The following TNIK variants were observed in gnomAD, a reference collection of about 807,000 sequenced individuals.
TNIK encodes the protein TRAF2 and NCK-interacting protein kinase.
Under a neutral mutation model 191.3 loss-of-function variants are expected in TNIK, and 49 were observed. That is an observed-to-expected ratio of 0.26 (90% CI 0.20 to 0.32). The LOEUF is 0.32. TNIK is among the 10% of genes least tolerant of loss of function. The pLI is 1.00. For missense variants in TNIK, 1,155 were observed against 1,702.3 expected (o/e 0.68, Z 5.66); for synonymous variants, 594 against 600.9 (o/e 0.99, Z 0.17).
intron 1 of TNIK, among the ~76,000 whole-genome samples, chr3:171,455,577 A>G (rs1054552613): frequency 2.6e-5 from 4 of 152,300 alleles, no homozygotes; most frequent in Non-Finnish European, 5.9e-5. Context: ...ATTGCAATCA[A>G]ATGTTGATGG....
chr3:171,058,943 C>A lies in TNIK; in HGVS notation c.*4938G>T, dbSNP rs1251044981. Among the ~76,000 whole-genome samples the A allele has an allele frequency of 6.6e-6, 1 of 152,100 alleles. No individual in the cohort carries two copies. The highest frequency in any genetic ancestry group is 1.5e-5 in the Non-Finnish European group (1 of 68,004). On this transcript the variant is annotated 3_prime_UTR_variant, in exon 33 of 33. Transcript: ENST00000436636. Reference sequence around the variant, plus strand: ...AATGTCCAAGGTTTCTTAAACATACCATAATAAGTATTACTATTCCTTAAC... The same window carrying A: ...AATGTCCAAGGTTTCTTAAACATACAATAATAAGTATTACTATTCCTTAAC...
chr3:171,282,239 C>G (rs1043272033), intron 2 of TNIK, among the ~76,000 whole-genome samples: 1 of 151,614 alleles, frequency 6.6e-6, no homozygotes, highest in Non-Finnish European at 1.5e-5. Flanking sequence ...AGAGCCAGCA[C>G]AGAGTATTTA....
chr3:171,118,236 G>A (rs887937518), intron 18 of TNIK, among the ~76,000 whole-genome samples: 65 of 152,166 alleles, frequency 4.3e-4, no homozygotes, highest in African/African-American at 1.3e-3. Flanking sequence ...TACAAGGGAC[G>A]TGAAGGACCT....
At chr3:171,430,309 C>A (rs570588493) in intron 1 of TNIK, among the ~76,000 whole-genome samples, 4 of 152,076 alleles carry the variant, frequency 2.6e-5, no homozygotes, top group African/African-American at 9.7e-5. Flanking sequence ...AATGCCTTTA[C>A]GCTAAACAAT....
chr3:171,268,576 G>A (rs1408761839), intron 2 of TNIK, among the ~76,000 whole-genome samples: 1 of 152,096 alleles, frequency 6.6e-6, no homozygotes, highest in Admixed American at 6.6e-5. Flanking sequence ...TTTAACTGAT[G>A]TCCAGCTCTG....
chr3:171,414,617 C>T (rs1405688480), intron 1 of TNIK, among the ~76,000 whole-genome samples: 2 of 152,194 alleles, frequency 1.3e-5, no homozygotes, highest in East Asian at 1.9e-4. Flanking sequence ...CAAGAGCTTT[C>T]CCACAGGCCA....
chr3:171,128,813 C>A lies in TNIK; in HGVS notation c.1674G>T (p.Arg558Ser). Residue 558 changes from arginine (R) to serine (S), a missense_variant, in exon 16 of 33, where the codon AGG (arginine) becomes AGT (serine). Arg to Ser is a moderately radical substitution (Grantham distance 110). This residue lies in a region of TNIK where 735 missense variants were observed against 848.0 expected (regional missense o/e 0.87). Coordinates refer to ENST00000436636, the MANE Select transcript of TNIK (RefSeq NM_015028.4). Reference sequence around the variant, plus strand: ...TTGGGGGCAGGTTGGGGTCAGATATCCTGTTGGCAACCTTGTGAGGCATGG... The same window carrying A: ...TTGGGGGCAGGTTGGGGTCAGATATACTGTTGGCAACCTTGTGAGGCATGG... ...SPAMPHKVAN[R>S]ISDPNLPPRS... The A allele has an allele frequency of 6.2e-7, 1 of 1,602,374 alleles. No individual in the cohort carries two copies. The highest frequency in any genetic ancestry group is 1.1e-5 in the South Asian group (1 of 89,338).
At chr3:171,222,355 G>C (rs1336246414) in intron 3 of TNIK, among the ~76,000 whole-genome samples, 1 of 152,082 alleles carries the variant, frequency 6.6e-6, no homozygotes, top group African/African-American at 2.4e-5. Flanking sequence ...TATACCAGCA[G>C]TATTCTCCTA....
chr3:171,067,869 C>T lies in TNIK; in HGVS notation c.3699+979G>A, dbSNP rs553085102. The stretch of plus-strand genomic sequence containing the variant: ...CTCACCAGGAATGTGAGCTGTGAGT[C>T]CTTGTGTTCACCCACATCCACATGA... On this transcript the variant is annotated intron_variant, in intron 30 of 32. Transcript: ENST00000436636. 2.6e-5 allele frequency among the ~76,000 whole-genome samples: 4 copies of T among 152,160 alleles called. No homozygotes were observed. The South Asian group carries it at 6.2e-4, about 24-fold the overall frequency.
intron 4 of TNIK, among the ~76,000 whole-genome samples, chr3:171,207,019 T>A (rs916105633): frequency 2.0e-5 from 3 of 151,136 alleles, no homozygotes; most frequent in Non-Finnish European, 4.4e-5. Context: ...TAAATCTACA[T>A]TAATGCTTTT....
chr3:171,286,139 C>T (rs1302174627), intron 2 of TNIK, among the ~76,000 whole-genome samples: 5 of 152,154 alleles, frequency 3.3e-5, no homozygotes, highest in African/African-American at 1.2e-4. Flanking sequence ...TGAAGGAGAA[C>T]ATCTGAATTA....
At chr3:171,128,650 T>C in intron 16 of TNIK, 64 bp downstream of exon 16, 2 of 1,528,270 alleles carry the variant, frequency 1.3e-6, no homozygotes, top group Non-Finnish European at 1.8e-6. Context: ...TTCCCTAGGC[T>C]TTTAATAATA....
At chr3:171,405,073 G>T (rs1327718530) in intron 1 of TNIK, among the ~76,000 whole-genome samples, 1 of 152,122 alleles carries the variant, frequency 6.6e-6, no homozygotes, top group Non-Finnish European at 1.5e-5. Context: ...GTTCTTCTAG[G>T]TAGATACAAT....
At chr3:171,275,419 T>G (rs1749609409) in intron 2 of TNIK, among the ~76,000 whole-genome samples, 1 of 150,006 alleles carries the variant, frequency 6.7e-6, no homozygotes. Context: ...TTTCAAAAAT[T>G]TAAAAGAGAG....
chr3:171,227,793 T>TA (rs1443099790), intron 3 of TNIK, among the ~76,000 whole-genome samples: 1 of 152,210 alleles, frequency 6.6e-6, no homozygotes, highest in East Asian at 1.9e-4. Flanking sequence ...TGGTTCAACT[T>TA]ACGATTTTTT....
At chr3:171,305,780 T>C (rs1191360266) in intron 2 of TNIK, among the ~76,000 whole-genome samples, 1 of 152,204 alleles carries the variant, frequency 6.6e-6, no homozygotes, top group Non-Finnish European at 1.5e-5. Flanking sequence ...TGTAAATTAG[T>C]TCAGCCATTG....
At chr3:171,296,492 G>A (rs1041712586) in intron 2 of TNIK, among the ~76,000 whole-genome samples, 2 of 152,138 alleles carry the variant, frequency 1.3e-5, no homozygotes, top group East Asian at 1.9e-4. Flanking sequence ...CCATTTAAGC[G>A]ATCTTCACAG....
chr3:171,224,867 C>T (rs969424093), intron 3 of TNIK, among the ~76,000 whole-genome samples: 2 of 152,120 alleles, frequency 1.3e-5, no homozygotes, highest in Non-Finnish European at 2.9e-5. Context: ...AGTTTAAGCA[C>T]AAATTCTGAA....
At chr3:171,265,120 T>G (rs16848008) in intron 2 of TNIK, among the ~76,000 whole-genome samples, 9,914 of 152,186 alleles carry the variant, frequency 0.065, 372 homozygotes, top group Middle Eastern at 0.13. Flanking sequence ...AATTTGAGAA[T>G]GTGAAAGTGA....
Sources: gnomAD v4.1 joint callset for allele counts (sites outside exome capture counted in the v4.1 genomes callset) on GRCh38, gnomAD v4.1.1 for gene constraint, gnomAD v4.1.1 regional missense constraint, MANE v1.5 for transcripts, NCBI Gene and HGNC (gene_info 2026-07-23, HGNC 2026-07-21) for gene names.